The following COL19A1 variants were observed in gnomAD, a reference collection of about 807,000 sequenced individuals.
COL19A1 encodes the protein collagen alpha-1(XIX) chain.
Under a neutral mutation model 190.2 loss-of-function variants are expected in COL19A1, and 159 were observed. That is an observed-to-expected ratio of 0.84 (90% CI 0.73 to 0.95). The LOEUF is 0.95. COL19A1 is among the 40% of genes least tolerant of loss of function. The pLI, the probability that COL19A1 is intolerant of heterozygous loss-of-function variation, is 0.00. For synonymous variants in COL19A1, 509 were observed against 458.9 expected, an observed-to-expected ratio of 1.11 and a Z score of -1.39; for missense variants, 1,418 against 1,431.9, an observed-to-expected ratio of 0.99 and a Z score of 0.16.
In COL19A1 at chr6:69,889,241, G is replaced by T. The variant is rs74803157; in HGVS notation, c.91+9583G>T. ...AATAGAACTTGTATCAGACTAGACA[G>T]ATTTTAATCGTGACTTTACATGCAA... On this transcript the variant is annotated intron_variant, in intron 2 of 50. Coordinates refer to ENST00000620364, the MANE Select transcript of COL19A1 (RefSeq NM_001858.6). Among the ~76,000 whole-genome samples, 44 of 152,308 alleles carry T rather than the reference G, an allele frequency of 2.9e-4. No individual in the cohort carries two copies. In the East Asian group the frequency reaches 8.3e-3, roughly 29 times the overall value.
At chr6:70,085,701 A>G (rs1417563396) in intron 15 of COL19A1, among the ~76,000 whole-genome samples, 1 of 152,084 alleles carries the variant, frequency 6.6e-6, no homozygotes, top group African/African-American at 2.4e-5. Context: ...AATATGTCAG[A>G]AGGCTTTTTT....
intron 12 of COL19A1, among the ~76,000 whole-genome samples, chr6:70,027,346 T>C (rs745999974): frequency 1.1e-4 from 16 of 152,332 alleles, no homozygotes; most frequent in Non-Finnish European, 2.4e-4. Flanking sequence ...GTGTAAACTT[T>C]AATTTAAAGG....
chr6:70,030,760 ATGC>A (rs1025721417), intron 12 of COL19A1, among the ~76,000 whole-genome samples: 4 of 152,168 alleles, frequency 2.6e-5, no homozygotes, highest in Non-Finnish European at 2.9e-5. Flanking sequence ...CTTAAGTCAA[ATGC>A]AACTCAGCCT....
intron 14 of COL19A1, among the ~76,000 whole-genome samples, chr6:70,065,683 G>C (rs1213291524): frequency 1.3e-5 from 2 of 152,132 alleles, no homozygotes; most frequent in Middle Eastern, 3.2e-3. Context: ...CCTACAGAAT[G>C]GGAGAAAATT....
At chr6:69,884,862 T>C (rs572177156) in intron 2 of COL19A1, among the ~76,000 whole-genome samples, 1 of 148,606 alleles carries the variant, frequency 6.7e-6, no homozygotes, top group South Asian at 2.1e-4. Context: ...TCTTTTCTCT[T>C]TTTTTTTTTT....
At chr6:70,083,076 CT>C (rs2150166358) in intron 15 of COL19A1, among the ~76,000 whole-genome samples, 1 of 152,282 alleles carries the variant, frequency 6.6e-6, no homozygotes, top group South Asian at 2.1e-4. Flanking sequence ...TTGGGGACCC[CT>C]GCCCTATAAG....
At position 70,163,406 on chromosome 6, in the gene COL19A1, A is replaced by G; in HGVS notation, c.2400+10A>G. On this transcript the variant is annotated intron_variant, in intron 36 of 50. Coordinates refer to ENST00000620364, the MANE Select transcript of COL19A1 (RefSeq NM_001858.6). ...AGCAAAAGGTGAAAAGGTACAAAGG[A>G]AAAGCCTCACTTACCATCCAAACTG... 6.2e-7 allele frequency: 1 copy of G among 1,609,282 alleles called. No individual in the cohort carries two copies. Among genetic ancestry groups the G allele is most frequent in the East Asian group, 2.3e-5 (1 of 44,278 alleles).
intron 11 of COL19A1, among the ~76,000 whole-genome samples, chr6:70,017,974 A>T (rs1240270764): frequency 1.3e-5 from 2 of 152,132 alleles, no homozygotes; most frequent in African/African-American, 4.8e-5. Flanking sequence ...AGTTTATCTG[A>T]AAAAGGAAGG....
chr6:69,949,184 T>C (rs955114249), intron 9 of COL19A1, among the ~76,000 whole-genome samples: 2 of 151,838 alleles, frequency 1.3e-5, no homozygotes, highest in East Asian at 3.9e-4. Flanking sequence ...GGTAACAGAT[T>C]ACGTTTAACT....
At chr6:70,132,159 GGAGGCCAAGGCAGGAAGAACCTTT>G (rs1785565681) in intron 18 of COL19A1, among the ~76,000 whole-genome samples, 1 of 152,132 alleles carries the variant, frequency 6.6e-6, no homozygotes, top group Non-Finnish European at 1.5e-5. Flanking sequence ...CAGCACTTTG[GGAGGCCAAGGCAGGAAGAACCTTT>G]GAGCCCAGAA....
intron 9 of COL19A1, among the ~76,000 whole-genome samples, chr6:69,952,931 A>G (rs1400912812): frequency 6.6e-6 from 1 of 152,032 alleles, no homozygotes; most frequent in Non-Finnish European, 1.5e-5. Context: ...TGTAGCATTA[A>G]TGCTTCAGAG....
chr6:70,100,670 AT>A (rs1197974967), intron 15 of COL19A1, among the ~76,000 whole-genome samples: 1 of 148,438 alleles, frequency 6.7e-6, no homozygotes, highest in African/African-American at 2.5e-5. Flanking sequence ...TTTTTTTTGT[AT>A]TTTTAGTAGA....
At chr6:70,028,539 G>A (rs555624120) in intron 12 of COL19A1, among the ~76,000 whole-genome samples, 1 of 152,216 alleles carries the variant, frequency 6.6e-6, no homozygotes, top group Admixed American at 6.5e-5. Context: ...TTCCTAGGAA[G>A]GGGGTTTTAA....
At chr6:70,109,328 A>G (rs973735613) in intron 16 of COL19A1, among the ~76,000 whole-genome samples, 5 of 152,144 alleles carry the variant, frequency 3.3e-5, no homozygotes, top group Non-Finnish European at 7.4e-5. Context: ...CTTTCCAAAC[A>G]GAAATATCAG....
At chr6:69,948,392 A>G (rs972096148) in intron 9 of COL19A1, among the ~76,000 whole-genome samples, 3 of 151,752 alleles carry the variant, frequency 2.0e-5, no homozygotes, top group African/African-American at 7.3e-5. Context: ...TAATTTTAAC[A>G]CTCCAAAATG....
At chr6:69,947,813 A>G (rs1773908853) in intron 9 of COL19A1, among the ~76,000 whole-genome samples, 1 of 151,842 alleles carries the variant, frequency 6.6e-6, no homozygotes, top group Non-Finnish European at 1.5e-5. Flanking sequence ...CCTTTCATAA[A>G]TTATTCAGTC....
intron 12 of COL19A1, among the ~76,000 whole-genome samples, chr6:70,029,085 T>A (rs1465287957): frequency 6.6e-6 from 1 of 152,068 alleles, no homozygotes; most frequent in East Asian, 1.9e-4. Flanking sequence ...CTTATACCAA[T>A]GCAATCTGTA....
intron 18 of COL19A1, among the ~76,000 whole-genome samples, chr6:70,134,134 T>C (rs1249876125): frequency 6.6e-6 from 1 of 152,222 alleles, no homozygotes; most frequent in Admixed American, 6.5e-5. Flanking sequence ...CAATGGAAAC[T>C]GTAGCACCTA....
intron 41 of COL19A1, among the ~76,000 whole-genome samples, chr6:70,173,450 C>T (rs1765617052): frequency 6.6e-6 from 1 of 151,990 alleles, no homozygotes; most frequent in Admixed American, 6.6e-5. Flanking sequence ...AAGTAACCAG[C>T]GAGGTAGGAG....
Sources: gnomAD v4.1 joint callset for allele counts (sites outside exome capture counted in the v4.1 genomes callset) on GRCh38, gnomAD v4.1.1 for gene constraint, MANE v1.5 for transcripts, NCBI Gene and HGNC (gene_info 2026-07-23, HGNC 2026-07-21) for gene names.